Variants in LCOR observed in about 807,000 individuals in gnomAD.
LCOR encodes ligand-dependent corepressor.
LCOR carries 14 observed loss-of-function variants against 64.4 expected under a neutral mutation model. The ratio of observed to expected loss-of-function variants is 0.22; its 90% CI spans 0.14 to 0.34. The LOEUF (loss-of-function observed/expected upper bound fraction) is 0.34. Ranked by LOEUF, LCOR falls within the 10% of genes least tolerant of loss-of-function variation. The probability of loss-of-function intolerance (pLI) is 1.00; values close to 1 mark genes in which losing one functional copy is unlikely to be tolerated. For missense variants in LCOR, 1,686 were observed against 1,765.3 expected, an observed-to-expected ratio of 0.96 and a Z score of 0.80; for synonymous variants, 643 against 642.5, an observed-to-expected ratio of 1.00 and a Z score of -0.01.
In LCOR at chr10:96,988,598, C is replaced by G. The variant is rs1242221817; in HGVS notation, c.*3464C>G. The stretch of plus-strand genomic sequence containing the variant: ...TTGAATTGAGGTTTGGCCTCTTTTC[C>G]TGCTTTGTAATGGGTTCGGTCATGA... On this transcript the variant is annotated 3_prime_UTR_variant, in exon 8 of 8. Coordinates refer to ENST00000421806, the MANE Select transcript of LCOR (RefSeq NM_001346516.2). 1 of 152,132 alleles carries G rather than the reference C, an allele frequency of 6.6e-6. No individual in the cohort carries two copies. The highest frequency in any genetic ancestry group is 2.4e-5 in the African/African-American group (1 of 41,410). 9.4% of individuals were successfully genotyped at this position (152,132 alleles called of 1,614,324 possible).
chr10:96,939,869 A>G (rs926670209), intron 4 of LCOR, among the ~76,000 whole-genome samples: 1 of 152,216 alleles, frequency 6.6e-6, no homozygotes, highest in Non-Finnish European at 1.5e-5. Flanking sequence ...AGGCTGAGGC[A>G]AGAGAATCAT....
chr10:96,952,348 C>A (rs1279936146), intron 7 of LCOR, 152 bp downstream of exon 7: 2 of 583,236 alleles, frequency 3.4e-6, no homozygotes, highest in African/African-American at 1.9e-5. Flanking sequence ...ATAATCTGTG[C>A]AATGTAAAAT....
In LCOR at chr10:96,985,185, A is replaced by G. The variant is rs555706655; in HGVS notation, c.*51A>G. The G allele has an allele frequency of 1.3e-5, 19 of 1,507,690 alleles. No individual in the cohort carries two copies. In the East Asian group the frequency reaches 4.2e-4, roughly 33 times the overall value. 93.4% of individuals were successfully genotyped at this position (1,507,690 alleles called of 1,614,324 possible). On this transcript the variant is annotated 3_prime_UTR_variant, in exon 8 of 8. Transcript: ENST00000421806. ...AACTGTTCTATAGAAGTAACCTTTTATTTTGCATTAACTAAATCTGCTTTT... is the reference window on the plus strand; with the variant it reads ...AACTGTTCTATAGAAGTAACCTTTTGTTTTGCATTAACTAAATCTGCTTTT...
At chr10:96,833,821 A>G (rs1227046030) in intron 2 of LCOR, among the ~76,000 whole-genome samples, 1 of 152,148 alleles carries the variant, frequency 6.6e-6, no homozygotes, top group East Asian at 1.9e-4. Flanking sequence ...TCTGGTGTCC[A>G]TTCAGCGGCA....
intron 2 of LCOR, among the ~76,000 whole-genome samples, chr10:96,847,576 C>T (rs1845653086): frequency 1.3e-5 from 2 of 151,986 alleles, no homozygotes; most frequent in Non-Finnish European, 1.5e-5. Context: ...CGAGTAGCTG[C>T]GATTACAAGC....
rs116320740 is a variant in LCOR at position 96,937,069 on chromosome 10, A to G, written c.-183-7044A>G. ...TGTAAGGTCTTTGCAGGTGTAATCAATTTATGATGAAGTCATGTTGGATTA... is the reference window on the plus strand; with the variant it reads ...TGTAAGGTCTTTGCAGGTGTAATCAGTTTATGATGAAGTCATGTTGGATTA... On this transcript the variant is annotated intron_variant, in intron 4 of 7. Transcript: ENST00000421806. Among the ~76,000 whole-genome samples the G allele has an allele frequency of 3.3e-3, 506 of 152,344 alleles. 3 individuals carry two copies. Among genetic ancestry groups the G allele is most frequent in the African/African-American group, 0.012 (483 of 41,576 alleles).
intron 2 of LCOR, among the ~76,000 whole-genome samples, chr10:96,844,789 G>GTCGT (rs1297663217): frequency 7.2e-5 from 11 of 152,312 alleles, no homozygotes; most frequent in African/African-American, 2.4e-4. Flanking sequence ...TACGCCTACA[G>GTCGT]AGTCTTCTGT....
chr10:96,870,123 C>T (rs962422439), intron 2 of LCOR, among the ~76,000 whole-genome samples: 11 of 151,382 alleles, frequency 7.3e-5, no homozygotes, highest in Admixed American at 3.9e-4. Flanking sequence ...GGCACGTTCT[C>T]GGCTCACTGC....
intron 2 of LCOR, among the ~76,000 whole-genome samples, chr10:96,848,705 A>G (rs1336528744): frequency 6.6e-6 from 1 of 152,144 alleles, no homozygotes; most frequent in Non-Finnish European, 1.5e-5. Context: ...TGCTGAAAGG[A>G]TGTTCTCAGA....
intron 4 of LCOR, among the ~76,000 whole-genome samples, chr10:96,920,751 T>TGTATGTAC (rs1847061861): frequency 8.4e-6 from 1 of 118,884 alleles, no homozygotes; most frequent in African/African-American, 3.9e-5. Context: ...TATATATGTA[T>TGTATGTAC]ACACACACAC....
Position 96,981,130 on chromosome 10 carries a change from A to G in LCOR, c.670A>G (p.Lys224Glu), listed in dbSNP as rs1848080868. ...TCTACACTTGACGGAACAGACCCCG[A>G]AGAAGCCTCCTCCTGAGATAAACCC... ...SPLHLTEQTP[K>E]KPPPEINPVD... is the part of the protein sequence containing the mutation. The change falls in exon 8 of 8, where the codon AAG becomes GAG. Residue 224 changes from lysine to glutamate, a missense_variant. Physicochemically the swap from Lys to Glu is moderately conservative, Grantham distance 56. Coordinates refer to ENST00000421806, the MANE Select transcript of LCOR (RefSeq NM_001346516.2). 2 of 704,904 alleles carry G rather than the reference A, an allele frequency of 2.8e-6. No homozygotes were observed. Among genetic ancestry groups the G allele is most frequent in the African/African-American group, 1.7e-5 (1 of 57,310 alleles). The allele number at this position is 704,904 out of a possible 1,614,324, so 43.7% of individuals were successfully genotyped here. A position where few individuals can be genotyped will look rare whatever the true frequency, so the allele number is the denominator to read the frequency against.
At chr10:96,957,441 T>G in intron 7 of LCOR, 3 of 985,282 alleles carry the variant, frequency 3.0e-6, no homozygotes, top group Non-Finnish European at 3.6e-6. Flanking sequence ...ATTTAATTTT[T>G]CATTGTGATC....
chr10:96,905,699 T>C (rs371092169), intron 2 of LCOR, among the ~76,000 whole-genome samples: 10 of 152,202 alleles, frequency 6.6e-5, no homozygotes, highest in African/African-American at 2.2e-4. Context: ...ATAATAGACA[T>C]AGATACCTCC....
chr10:96,915,219 T>G (rs1252960591), intron 4 of LCOR, among the ~76,000 whole-genome samples: 2 of 152,144 alleles, frequency 1.3e-5, no homozygotes, highest in African/African-American at 4.8e-5. Context: ...GCATAGCTTT[T>G]AAAAATATGT....
chr10:96,981,092 A>G lies in LCOR; in HGVS notation c.632A>G (p.Asp211Gly). Reference protein sequence around the residue: ...ASVDLFVDSSDSHSPLHLTEQ... With the variant: ...ASVDLFVDSSGSHSPLHLTEQ... ...GTAGATTTGTTCGTAGACTCGTCAG[A>G]CTCTCACAGCCCTCTACACTTGACG... Residue 211 changes from aspartate to glycine, a missense_variant, in exon 8 of 8, where the codon GAC (aspartate) becomes GGC (glycine). This residue lies in a region of LCOR where 313 missense variants were observed against 247.2 expected (regional missense o/e 1.27). Transcript: ENST00000421806. 1.4e-6 allele frequency: 1 copy of G among 703,002 alleles called. No homozygotes were observed. The highest frequency in any genetic ancestry group is 2.6e-6 in the Non-Finnish European group (1 of 385,068). 43.5% of individuals were successfully genotyped at this position (703,002 alleles called of 1,614,324 possible).
chr10:96,837,402 C>G (rs534675911), intron 2 of LCOR, among the ~76,000 whole-genome samples: 1 of 152,180 alleles, frequency 6.6e-6, no homozygotes, highest in Admixed American at 6.5e-5. Flanking sequence ...ATTACAGGCT[C>G]GTGCCACCAC....
chr10:96,899,533 T>C (rs905697907), intron 2 of LCOR, among the ~76,000 whole-genome samples: 7 of 152,134 alleles, frequency 4.6e-5, no homozygotes, highest in Non-Finnish European at 1.0e-4. Context: ...AACCTGGTTC[T>C]CTCTAAATAC....
At position 96,952,100 on chromosome 10, in the gene LCOR, C is replaced by T. The variant is rs1415216571; in HGVS notation, c.239-3C>T. On this transcript the variant is annotated splice_region_variant and splice_polypyrimidine_tract_variant and intron_variant, in intron 6 of 7. Coordinates refer to ENST00000421806, the MANE Select transcript of LCOR (RefSeq NM_001346516.2). ...CCTCAGGTGTTTCTTTGTGTCTCTG[C>T]AGACGGTGTACTTGATCTGTCCACT... 4 of 1,609,614 alleles carry T rather than the reference C, an allele frequency of 2.5e-6. No homozygotes were observed. The highest frequency in any genetic ancestry group is 1.1e-5 in the South Asian group (1 of 90,930).
chr10:96,852,408 G>A (rs1845735264), intron 2 of LCOR, among the ~76,000 whole-genome samples: 1 of 152,162 alleles, frequency 6.6e-6, no homozygotes, highest in African/African-American at 2.4e-5. Flanking sequence ...GTGGCAGAGT[G>A]AGACCCTATC....
Sources: gnomAD v4.1 joint callset for allele counts (sites outside exome capture counted in the v4.1 genomes callset) on GRCh38, gnomAD v4.1.1 for gene constraint, gnomAD v4.1.1 regional missense constraint, MANE v1.5 for transcripts, NCBI Gene and HGNC (gene_info 2026-07-23, HGNC 2026-07-21) for gene names.